Variants in KLF17 observed in about 807,000 individuals in gnomAD.
KLF17 encodes Krueppel-like factor 17.
Under a neutral mutation model 34.2 loss-of-function variants are expected in KLF17, and 31 were observed. That is an observed-to-expected ratio of 0.91 (90% CI 0.68 to 1.22). KLF17 has a LOEUF of 1.22. Ranked by LOEUF, KLF17 falls within the 50% of genes most tolerant of loss-of-function variation. The pLI is 0.00. For synonymous variants in KLF17, 179 were observed against 186.7 expected (o/e 0.96, Z 0.34); for missense variants, 478 against 505.2 (o/e 0.95, Z 0.52).
intron 1 of KLF17, among the ~76,000 whole-genome samples, chr1:44,120,928 C>T (rs956331179): frequency 1.3e-5 from 2 of 152,084 alleles, no homozygotes; most frequent in South Asian, 4.1e-4. Flanking sequence ...AGGCTGTGGT[C>T]CACAACGATC....
the KLF17 span, among the ~76,000 whole-genome samples, chr1:44,047,579 A>G: frequency 6.7e-6 from 1 of 148,852 alleles, no homozygotes; most frequent in Non-Finnish European, 1.5e-5. Flanking sequence ...AGTGACATCA[A>G]CATCACTAGT....
At chr1:44,065,031 G>A in the KLF17 span, among the ~76,000 whole-genome samples, 1 of 152,210 alleles carries the variant, frequency 6.6e-6, no homozygotes, top group Admixed American at 6.5e-5. Context: ...GCTCACGCCT[G>A]TAGTCCCAGC....
the KLF17 span, among the ~76,000 whole-genome samples, chr1:44,089,560 T>A: frequency 1.3e-5 from 2 of 152,138 alleles, no homozygotes; most frequent in African/African-American, 4.8e-5. Flanking sequence ...CCTAATGCAC[T>A]CCCTGCAGCT....
the KLF17 span, chr1:44,103,988 C>G: frequency 9.4e-6 from 8 of 854,914 alleles, no homozygotes; most frequent in Admixed American, 1.2e-4. Context: ...GCGCCTTGAC[C>G]TCAGCGATGA....
Position 44,118,917 on chromosome 1 carries a change from C to T in KLF17, c.10C>T (p.Arg4Ter). The T allele has an allele frequency of 6.2e-7, 1 of 1,611,936 alleles. No individual in the cohort carries two copies. Among genetic ancestry groups the T allele is most frequent in the Non-Finnish European group, 8.5e-7 (1 of 1,179,116 alleles). The change falls in exon 1 of 4, where the codon CGA becomes TGA. Residue 4 changes from arginine to a stop codon, truncating the protein, a stop_gained. Transcript: ENST00000372299. LOFTEE classifies it high-confidence loss of function. ...ACCCCACCCAGTCTTCATGTACGGC[C>T]GACCGCAGGCTGAGATGGAACAGGA... is the stretch of plus-strand genomic sequence containing the variant. MYG[R>*]PQAEMEQEAG...
the KLF17 span, among the ~76,000 whole-genome samples, chr1:44,111,828 G>T: frequency 2.0e-5 from 3 of 152,182 alleles, no homozygotes; most frequent in Non-Finnish European, 4.4e-5. Context: ...TGGAGGCAGA[G>T]CTTGCAGTGA....
the KLF17 span, among the ~76,000 whole-genome samples, chr1:44,069,511 AG>A: frequency 6.3e-4 from 61 of 96,178 alleles, 1 homozygote; most frequent in African/African-American, 2.3e-3. The surrounding 1 kb of genome is among the most constrained non-coding windows in gnomAD (Gnocchi z 4.7). Flanking sequence ...AGAGAGAGAG[AG>A]AAGACAGGAG....
the KLF17 span, among the ~76,000 whole-genome samples, chr1:44,050,514 A>T: frequency 6.6e-6 from 1 of 152,216 alleles, no homozygotes; most frequent in African/African-American, 2.4e-5. Context: ...GGGCATAAAC[A>T]TGACTGCCGA....
intron 2 of KLF17, 133 bp downstream of exon 2, chr1:44,130,329 C>CT (rs397725334): frequency 5.6e-6 from 8 of 1,436,420 alleles, no homozygotes; most frequent in South Asian, 2.7e-5. Flanking sequence ...ACTGGCCCCC[C>CT]GACTTGCCAT....
chr1:44,062,563 TA>T, the KLF17 span, among the ~76,000 whole-genome samples: 81,247 of 146,970 alleles, frequency 0.55, 22,523 homozygotes, highest in East Asian at 0.65. Flanking sequence ...ATTAATTAAT[TA>T]AAAAAAAAAA....
At chr1:44,102,851 C>A in the KLF17 span, among the ~76,000 whole-genome samples, 1 of 133,520 alleles carries the variant, frequency 7.5e-6, no homozygotes, top group East Asian at 2.2e-4. Flanking sequence ...CCTAAAACTG[C>A]CATAAAAAAA....
At chr1:44,065,405 GTTTTTTT>G in the KLF17 span, among the ~76,000 whole-genome samples, 2 of 119,018 alleles carry the variant, frequency 1.7e-5, no homozygotes, top group South Asian at 2.7e-4. Flanking sequence ...ATAATCCTTG[GTTTTTTT>G]TTTTTTTTTT....
At chr1:44,057,925 T>C in the KLF17 span, among the ~76,000 whole-genome samples, 1 of 152,316 alleles carries the variant, frequency 6.6e-6, no homozygotes, top group Non-Finnish European at 1.5e-5. Context: ...AAATAGATTT[T>C]ACTCAGATGC....
chr1:44,064,119 GA>G, the KLF17 span, among the ~76,000 whole-genome samples: 1 of 152,028 alleles, frequency 6.6e-6, no homozygotes, highest in South Asian at 2.1e-4. Flanking sequence ...TCAGCCAAAT[GA>G]AAAAATAAGT....
At chr1:44,056,336 G>T in the KLF17 span, among the ~76,000 whole-genome samples, 3 of 152,232 alleles carry the variant, frequency 2.0e-5, no homozygotes, top group East Asian at 5.8e-4. Flanking sequence ...AAATATTGGG[G>T]GTATGTGCTC....
chr1:44,131,448 A>G (rs1319103408), intron 3 of KLF17, among the ~76,000 whole-genome samples: 1 of 152,176 alleles, frequency 6.6e-6, no homozygotes, highest in Non-Finnish European at 1.5e-5. Flanking sequence ...TGAATTTGCC[A>G]CTTAATATCC....
chr1:44,074,684 T>A, the KLF17 span, among the ~76,000 whole-genome samples: 2 of 152,204 alleles, frequency 1.3e-5, no homozygotes, highest in Non-Finnish European at 1.5e-5. Flanking sequence ...AATAAATGAC[T>A]TTCTGAAATT....
At chr1:44,088,727 T>C in the KLF17 span, among the ~76,000 whole-genome samples, 100 of 152,104 alleles carry the variant, frequency 6.6e-4, no homozygotes, top group Non-Finnish European at 1.0e-3. Flanking sequence ...GGGGGCACAA[T>C]TTAGTCTGCA....
intron 3 of KLF17, among the ~76,000 whole-genome samples, chr1:44,131,521 A>T (rs1383469172): frequency 6.6e-6 from 1 of 152,120 alleles, no homozygotes; most frequent in South Asian, 2.1e-4. Flanking sequence ...TGAAAAAACT[A>T]GTTTTGTACT....
Sources: gnomAD v4.1 joint callset for allele counts (sites outside exome capture counted in the v4.1 genomes callset) on GRCh38, gnomAD v4.1.1 for gene constraint, Gnocchi (gnomAD v3.1) non-coding constraint, MANE v1.5 for transcripts, NCBI Gene and HGNC (gene_info 2026-07-23, HGNC 2026-07-21) for gene names.